ZNF385C: variants seen among roughly 807,000 people sequenced by gnomAD.
The protein encoded by ZNF385C is zinc finger protein 385C.
ZNF385C carries 28 observed loss-of-function variants against 35.4 expected under a neutral mutation model. That is an observed-to-expected ratio of 0.79 (90% CI 0.59 to 1.08). The LOEUF is 1.08. Ranked by LOEUF, ZNF385C falls within the 50% of genes least tolerant of loss-of-function variation. ZNF385C has a pLI of 0.00. For synonymous variants in ZNF385C, 248 were observed against 248.2 expected (o/e 1.00, Z 0.01); for missense variants, 605 against 595.6 (o/e 1.02, Z -0.16).
At chr17:42,083,800 C>T (rs1885191194) in intron 1 of ZNF385C, among the ~76,000 whole-genome samples, 2 of 129,220 alleles carry the variant, frequency 1.5e-5, no homozygotes, top group Non-Finnish European at 3.1e-5. Flanking sequence ...ATCACTGCAA[C>T]CTCTGCCTCC....
At chr17:42,064,116 ACACT>A (rs1446779899) in intron 1 of ZNF385C, among the ~76,000 whole-genome samples, 1 of 134,266 alleles carries the variant, frequency 7.4e-6, no homozygotes, top group Non-Finnish European at 1.6e-5. Flanking sequence ...ACACACACAC[ACACT>A]TTCTGTCTCT....
chr17:42,040,935 C>A, intron 2 of ZNF385C: 1 of 1,232,216 alleles, frequency 8.1e-7, no homozygotes, highest in Non-Finnish European at 1.0e-6. Context: ...TGAGCCAGGC[C>A]AGCTTGGGTG....
intron 4 of ZNF385C, among the ~76,000 whole-genome samples, chr17:42,033,446 C>T (rs890755228): frequency 2.0e-5 from 3 of 152,130 alleles, no homozygotes; most frequent in Non-Finnish European, 2.9e-5. Context: ...ATCTGAAAAT[C>T]GGGGATTATA....
chr17:42,042,854 T>A, intron 2 of ZNF385C: 1 of 1,232,290 alleles, frequency 8.1e-7, no homozygotes, highest in African/African-American at 1.6e-5. Context: ...CTCACCCTCC[T>A]GGGACTGTAG....
In ZNF385C at chr17:42,091,654, C is replaced by A. The variant is rs771366338; in HGVS notation, c.-3+6756G>T. Among the ~76,000 whole-genome samples, 21 of 152,168 alleles carry A rather than the reference C, an allele frequency of 1.4e-4. 1 individual carries two copies. Among genetic ancestry groups the A allele is most frequent in the Non-Finnish European group, 1.0e-4 (7 of 68,024 alleles). On this transcript the variant is annotated intron_variant, in intron 1 of 8. Transcript: ENST00000692273. The stretch of plus-strand genomic sequence containing the variant: ...CTGATCCCCCCTCTGGCCTCTCCAC[C>A]CCCACACCTCATCTTGCAGACCCAG...
rs147208811 is a variant in ZNF385C, at chr17:42,097,593, A to G, written c.-3+817T>C. ...TCTGCTCTACTTCAACCCAGCACCA[A>G]GACCCAAAGGCTGCCTCTCCTTAGT... On this transcript the variant is annotated intron_variant, in intron 1 of 8. Transcript: ENST00000692273. Among the ~76,000 whole-genome samples the G allele has an allele frequency of 2.2e-3, 334 of 152,198 alleles. 7 individuals are homozygous for G. The highest frequency in any genetic ancestry group is 7.6e-3 in the African/African-American group (317 of 41,516).
intron 8 of ZNF385C, among the ~76,000 whole-genome samples, chr17:42,027,335 G>C (rs1007034215): frequency 1.3e-5 from 2 of 152,110 alleles, no homozygotes; most frequent in Non-Finnish European, 2.9e-5. Context: ...AGGGAGGAAA[G>C]TCTCAGCATG....
At chr17:42,090,876 C>T (rs992081947) in intron 1 of ZNF385C, among the ~76,000 whole-genome samples, 3 of 151,972 alleles carry the variant, frequency 2.0e-5, no homozygotes, top group East Asian at 2.0e-4. Context: ...AGCGAGACTC[C>T]GTCTCAAAAA....
At chr17:42,035,046 G>T (rs782640581) in intron 3 of ZNF385C, among the ~76,000 whole-genome samples, 13 of 133,322 alleles carry the variant, frequency 9.8e-5, no homozygotes, top group Non-Finnish European at 1.5e-4. Flanking sequence ...TTGAACCTCA[G>T]AGGCAGAGGT....
At chr17:42,080,764 T>C (rs1465181977) in intron 1 of ZNF385C, among the ~76,000 whole-genome samples, 4 of 152,180 alleles carry the variant, frequency 2.6e-5, no homozygotes, top group Non-Finnish European at 4.4e-5. Flanking sequence ...AGAAACGCCC[T>C]GAGGACAGGC....
chr17:42,081,564 T>C (rs1283819147), intron 1 of ZNF385C, among the ~76,000 whole-genome samples: 1 of 151,830 alleles, frequency 6.6e-6, no homozygotes, highest in African/African-American at 2.4e-5. Context: ...TAAAGTAGAG[T>C]CGGGGTTTCA....
At chr17:42,053,182 C>T (rs2053315158) in intron 2 of ZNF385C, among the ~76,000 whole-genome samples, 1 of 152,190 alleles carries the variant, frequency 6.6e-6, no homozygotes, top group South Asian at 2.1e-4. Flanking sequence ...CCAATCACAA[C>T]ATAAACTCTG....
intron 1 of ZNF385C, among the ~76,000 whole-genome samples, chr17:42,096,571 G>A (rs974874884): frequency 6.6e-6 from 1 of 152,206 alleles, no homozygotes; most frequent in African/African-American, 2.4e-5. Flanking sequence ...TTTCACTGGA[G>A]GACAGCTTGG....
At chr17:42,030,281 A>C (rs2052697342) in intron 5 of ZNF385C, among the ~76,000 whole-genome samples, 1 of 152,170 alleles carries the variant, frequency 6.6e-6, no homozygotes, top group African/African-American at 2.4e-5. Flanking sequence ...CAAGGTCAGG[A>C]GTTCGAGACC....
At chr17:42,043,078 C>A (rs1162940259) in intron 2 of ZNF385C, 1 of 1,232,084 alleles carries the variant, frequency 8.1e-7, no homozygotes, top group East Asian at 3.2e-5. Context: ...TTCAGCCTGG[C>A]CCTCAAAAGG....
intron 2 of ZNF385C, chr17:42,040,186 GCGGCCAC>G: frequency 8.1e-7 from 1 of 1,231,576 alleles, no homozygotes; most frequent in South Asian, 4.1e-5. Flanking sequence ...CGCTGCGAAG[GCGGCCAC>G]GGCGTCCAGC....
rs2053889927 is a variant in ZNF385C at position 42,093,933 on chromosome 17, G to T, written c.-3+4477C>A. Among the ~76,000 whole-genome samples the T allele has an allele frequency of 2.0e-5, 3 of 151,468 alleles. No homozygotes were observed. The South Asian group carries it at 6.2e-4, about 32-fold the overall frequency. On this transcript the variant is annotated intron_variant, in intron 1 of 8. Transcript: ENST00000692273. ...TATTCCCTTTCCTGCCGCCTTGCCT[G>T]GCAGTGGAGGAGCCCAGAAGTGATC...
At chr17:42,063,960 C>T (rs886238) in intron 1 of ZNF385C, among the ~76,000 whole-genome samples, 6 of 151,784 alleles carry the variant, frequency 4.0e-5, no homozygotes, top group African/African-American at 1.2e-4. Flanking sequence ...TCTTGGCAAC[C>T]GAGGCCGAGG....
intron 1 of ZNF385C, among the ~76,000 whole-genome samples, chr17:42,088,679 G>A (rs2053834829): frequency 6.6e-6 from 1 of 152,228 alleles, no homozygotes; most frequent in African/African-American, 2.4e-5. Context: ...AACTCCAAGT[G>A]GCCAGAGCCT....
Sources: allele counts gnomAD v4.1 joint callset (sites outside exome capture counted in the v4.1 genomes callset), GRCh38; gene constraint gnomAD v4.1.1; transcripts MANE v1.5; gene names NCBI Gene and HGNC (gene_info 2026-07-23, HGNC 2026-07-21).